Variants in ACSL3 observed in about 807,000 individuals in gnomAD.
ACSL3 encodes the protein fatty acid CoA ligase Acsl3.
ACSL3 carries 34 observed loss-of-function variants against 84.7 expected under a neutral mutation model. That is an observed-to-expected ratio of 0.40 (90% CI 0.31 to 0.53). The LOEUF (loss-of-function observed/expected upper bound fraction) is 0.53, where lower values mean the gene tolerates loss of function less well. Among genes scored for constraint, ACSL3 ranks in the 20% least tolerant of loss-of-function variants. ACSL3 has a pLI of 0.48. For synonymous variants in ACSL3, 315 were observed against 299.4 expected (o/e 1.05, Z -0.54); for missense variants, 680 against 873.1 (o/e 0.78, Z 2.79).
At chr2:222,883,224 A>G (rs1297376983) in intron 1 of ACSL3, among the ~76,000 whole-genome samples, 1 of 141,204 alleles carries the variant, frequency 7.1e-6, no homozygotes, top group Non-Finnish European at 1.5e-5. Flanking sequence ...CTTGTTGCCC[A>G]GGCTGGAGTA....
chr2:222,925,439 T>C (rs1372381182), intron 11 of ACSL3, among the ~76,000 whole-genome samples: 1 of 151,888 alleles, frequency 6.6e-6, no homozygotes, highest in Non-Finnish European at 1.5e-5. Flanking sequence ...AGATTCCTTC[T>C]CTGCTTAGCT....
Position 222,895,470 on chromosome 2 carries a change from C to CT in ACSL3, c.-147-5176dup, listed in dbSNP as rs1164470428. ...CCTGGCCTGTTACCATTACTTTGTT[C>CT]TTTTTTTTTTTTTTTTTTTTTTTTT... On this transcript the variant is annotated intron_variant, in intron 2 of 16. Coordinates refer to ENST00000357430, the MANE Select transcript of ACSL3 (RefSeq NM_004457.5). Among the ~76,000 whole-genome samples the CT allele has an allele frequency of 5.6e-3, 87 of 15,606 alleles. 20 individuals are homozygous for CT. Among genetic ancestry groups the CT allele is most frequent in the Non-Finnish European group, 7.5e-3 (81 of 10,834 alleles). The allele number at this position is 15,606 out of a possible 152,430, so 10.2% of individuals were successfully genotyped here.
At chr2:222,917,917 CACTT>C in intron 5 of ACSL3, 125 bp from the exon 6 acceptor site, 1 of 531,014 alleles carries the variant, frequency 1.9e-6, no homozygotes, top group Non-Finnish European at 3.3e-6. Flanking sequence ...AAAAACATAA[CACTT>C]ATAGACTGTG....
Position 222,919,055 on chromosome 2 carries a change from T to C in ACSL3, c.667-9T>C. On this transcript the variant is annotated splice_polypyrimidine_tract_variant and intron_variant, in intron 6 of 16. Coordinates refer to ENST00000357430, the MANE Select transcript of ACSL3 (RefSeq NM_004457.5). ...ATAATGAACGTGATGAATGTTGGTGTATTTCTAGGATATAGTTTCTTTGGT... is the reference window on the plus strand; with the variant it reads ...ATAATGAACGTGATGAATGTTGGTGCATTTCTAGGATATAGTTTCTTTGGT... The C allele has an allele frequency of 6.2e-7, 1 of 1,612,522 alleles. No homozygotes were observed. Among genetic ancestry groups the C allele is most frequent in the Admixed American group, 1.7e-5 (1 of 59,800 alleles).
rs560533565 is a variant in ACSL3, at chr2:222,934,513, T to C, written c.1848-17T>C. On this transcript the variant is annotated splice_polypyrimidine_tract_variant and intron_variant, in intron 15 of 16. Coordinates refer to ENST00000357430, the MANE Select transcript of ACSL3 (RefSeq NM_004457.5). ...TCACCATTTTGTTCCTTATCTGTTATCCTTTCTATATTTCAGTTATCATTC... is the reference window on the plus strand; with the variant it reads ...TCACCATTTTGTTCCTTATCTGTTACCCTTTCTATATTTCAGTTATCATTC... 14 of 1,524,176 alleles carry C rather than the reference T, an allele frequency of 9.2e-6. No individual in the cohort carries two copies. In the African/African-American group the frequency reaches 1.9e-4, roughly 21 times the overall value. The allele number at this position is 1,524,176 out of a possible 1,614,324, so 94.4% of individuals were successfully genotyped here. A position where few individuals can be genotyped will look rare whatever the true frequency, so the allele number is the denominator to read the frequency against.
rs1232256328 is a variant in ACSL3 at position 222,943,544 on chromosome 2, T to TA, written c.*1891dup. On this transcript the variant is annotated 3_prime_UTR_variant, in exon 17 of 17. Transcript: ENST00000357430. ...TGACTTGAAATAGTGTCAGATGAAT[T>TA]ATGTAGCTGATCACTGATGGAACCA... 17 of 158,840 alleles carry TA rather than the reference T, an allele frequency of 1.1e-4. No homozygotes were observed. Among genetic ancestry groups the TA allele is most frequent in the African/African-American group, 4.1e-4 (17 of 41,786 alleles). 9.8% of individuals were successfully genotyped at this position (158,840 alleles called of 1,614,324 possible).
intron 13 of ACSL3, among the ~76,000 whole-genome samples, chr2:222,929,429 T>TAA (rs1470100635): frequency 6.6e-6 from 1 of 152,176 alleles, no homozygotes; most frequent in Non-Finnish European, 1.5e-5. Context: ...TTGATCCTGT[T>TAA]AAAATATACA....
At chr2:222,862,760 T>C (rs902011978) in intron 1 of ACSL3, among the ~76,000 whole-genome samples, 2 of 152,180 alleles carry the variant, frequency 1.3e-5, no homozygotes, top group Non-Finnish European at 2.9e-5. Flanking sequence ...GAGTGGTCCA[T>C]TGGACCTAAG....
chr2:222,882,197 A>G (rs1160831681), intron 1 of ACSL3, among the ~76,000 whole-genome samples: 1 of 152,220 alleles, frequency 6.6e-6, no homozygotes, highest in African/African-American at 2.4e-5. Context: ...AGCAAAATGT[A>G]TTTGTGGAAT....
At chr2:222,941,468 C>G (rs750916224) in intron 16 of ACSL3, 29 bp from the exon 17 acceptor site, 10 of 1,543,718 alleles carry the variant, frequency 6.5e-6, no homozygotes, top group Non-Finnish European at 7.8e-6. Context: ...AATACCTTTT[C>G]TTCTTTTCTT....
intron 1 of ACSL3, among the ~76,000 whole-genome samples, chr2:222,884,612 T>A (rs540265223): frequency 6.6e-6 from 1 of 152,340 alleles, no homozygotes; most frequent in East Asian, 1.9e-4. Context: ...ATCTCCTTCA[T>A]GTGTGTCCAA....
At chr2:222,867,155 A>C (rs1315689709) in intron 1 of ACSL3, among the ~76,000 whole-genome samples, 3 of 152,098 alleles carry the variant, frequency 2.0e-5, no homozygotes, top group Non-Finnish European at 4.4e-5. Context: ...TTTGGACTTG[A>C]ACATAATTCC....
chr2:222,864,082 G>A (rs566990495), intron 1 of ACSL3, among the ~76,000 whole-genome samples: 106 of 152,218 alleles, frequency 7.0e-4, no homozygotes, highest in African/African-American at 2.3e-3. Context: ...AGGATATGGT[G>A]ATAAATAGTA....
At chr2:222,902,343 T>C (rs1044624580) in intron 3 of ACSL3, among the ~76,000 whole-genome samples, 3 of 152,030 alleles carry the variant, frequency 2.0e-5, no homozygotes, top group Admixed American at 1.3e-4. Flanking sequence ...ACTATAAATT[T>C]AGTTGTTACT....
At chr2:222,935,365 A>AT (rs1491048984) in intron 16 of ACSL3, among the ~76,000 whole-genome samples, 6 of 151,882 alleles carry the variant, frequency 4.0e-5, no homozygotes, top group Non-Finnish European at 1.5e-5. Flanking sequence ...ATTAAAAAAA[A>AT]TTTTTTTGTT....
At chr2:222,881,419 A>G (rs528293943) in intron 1 of ACSL3, among the ~76,000 whole-genome samples, 1 of 152,232 alleles carries the variant, frequency 6.6e-6, no homozygotes, top group African/African-American at 2.4e-5. Flanking sequence ...TTTCAGTATG[A>G]TGTTTAATGT....
chr2:222,865,796 G>A (rs1574510870), intron 1 of ACSL3, among the ~76,000 whole-genome samples: 1 of 45,466 alleles, frequency 2.2e-5, no homozygotes, highest in Non-Finnish European at 4.0e-5. Flanking sequence ...TGGATCCTCT[G>A]TGTGTGTGTG....
In ACSL3 at chr2:222,944,164, T is replaced by A. The variant is rs1178534345; in HGVS notation, c.*2510T>A. 6.6e-6 allele frequency: 1 copy of A among 152,092 alleles called. No individual in the cohort carries two copies. Among genetic ancestry groups the A allele is most frequent in the Non-Finnish European group, 1.5e-5 (1 of 67,978 alleles). 9.4% of individuals were successfully genotyped at this position (152,092 alleles called of 1,614,324 possible). On this transcript the variant is annotated 3_prime_UTR_variant, in exon 17 of 17. Coordinates refer to ENST00000357430, the MANE Select transcript of ACSL3 (RefSeq NM_004457.5). ...TAGTATCTACTTTCTAAATACTACTTTGCTTTTCAGTAGTGGATTTGATAT... is the reference window on the plus strand; with the variant it reads ...TAGTATCTACTTTCTAAATACTACTATGCTTTTCAGTAGTGGATTTGATAT...
Position 222,943,471 on chromosome 2 carries a change from A to G in ACSL3, c.*1817A>G, listed in dbSNP as rs1697380619. 1 of 171,372 alleles carries G rather than the reference A, an allele frequency of 5.8e-6. No homozygotes were observed. The highest frequency in any genetic ancestry group is 1.3e-5 in the Non-Finnish European group (1 of 79,198). The allele number at this position is 171,372 out of a possible 1,614,324, so 10.6% of individuals were successfully genotyped here. A position where few individuals can be genotyped will look rare whatever the true frequency, so the allele number is the denominator to read the frequency against. On this transcript the variant is annotated 3_prime_UTR_variant, in exon 17 of 17. Transcript: ENST00000357430. ...CAGATGATTAAAAAAAGGAGATTGT[A>G]TCTAGGAAAAAAGTGTGAATGCTTC...
Sources: allele counts gnomAD v4.1 joint callset (sites outside exome capture counted in the v4.1 genomes callset), GRCh38; gene constraint gnomAD v4.1.1; transcripts MANE v1.5; gene names NCBI Gene and HGNC (gene_info 2026-07-23, HGNC 2026-07-21).